TLN2: variants seen among roughly 807,000 people sequenced by gnomAD.
TLN2 encodes talin 2.
A neutral mutation model predicts 294.7 loss-of-function variants in TLN2; 118 were observed. The ratio of observed to expected loss-of-function variants is 0.40; its 90% CI spans 0.34 to 0.47. The LOEUF (loss-of-function observed/expected upper bound fraction) is 0.47. Ranked by LOEUF, TLN2 falls within the 20% of genes least tolerant of loss-of-function variation. TLN2 has a pLI of 0.84. For missense variants in TLN2, 3,083 were observed against 3,282.2 expected, an observed-to-expected ratio of 0.94 and a Z score of 1.48; for synonymous variants, 1,431 against 1,304.5, an observed-to-expected ratio of 1.10 and a Z score of -2.09.
chr15:62,829,143 A>AGTAG (rs1253437154), intron 54 of TLN2: 1 of 119,174 alleles, frequency 8.4e-6, no homozygotes, highest in African/African-American at 3.2e-5. Context: ...GAGGGTACAT[A>AGTAG]GTAGGTATAT....
intron 1 of TLN2, among the ~76,000 whole-genome samples, chr15:62,583,974 C>A (rs896167452): frequency 2.0e-5 from 3 of 152,066 alleles, no homozygotes; most frequent in Non-Finnish European, 4.4e-5. Flanking sequence ...TCTTGCCCTC[C>A]TAGTAAGCAT....
intron 46 of TLN2, 84 bp from the exon 47 acceptor site, chr15:62,796,043 G>C: frequency 6.6e-7 from 1 of 1,525,294 alleles, no homozygotes. Flanking sequence ...ACTCCTAGGA[G>C]AGAATTCATT....
At chr15:62,617,044 A>G (rs1478504560) in intron 2 of TLN2, among the ~76,000 whole-genome samples, 3 of 152,106 alleles carry the variant, frequency 2.0e-5, no homozygotes, top group Non-Finnish European at 2.9e-5. Context: ...CATGCAATGC[A>G]CATGTCTGTA....
chr15:62,814,304 A>G lies in TLN2; in HGVS notation c.6771+4272A>G, dbSNP rs557238291. 9.2e-5 allele frequency among the ~76,000 whole-genome samples: 14 copies of G among 152,378 alleles called. No individual in the cohort carries two copies. In the South Asian group the frequency reaches 2.7e-3, roughly 29 times the overall value. ...ATCATTTGGGCTTTATGGTTGATTC[A>G]TTAAGTCATTGTTTATTTTATTGAC... On this transcript the variant is annotated intron_variant, in intron 52 of 58. Coordinates refer to ENST00000636159, the MANE Select transcript of TLN2 (RefSeq NM_015059.3).
At chr15:62,713,417 G>A (rs142082430) in intron 22 of TLN2, among the ~76,000 whole-genome samples, 2 of 151,882 alleles carry the variant, frequency 1.3e-5, no homozygotes, top group African/African-American at 4.8e-5. Flanking sequence ...GGTGGCACAC[G>A]CCTGTAATCC....
chr15:62,742,717 G>A (rs190300707), intron 32 of TLN2, among the ~76,000 whole-genome samples: 22 of 152,310 alleles, frequency 1.4e-4, no homozygotes, highest in Admixed American at 1.3e-3. Flanking sequence ...AGCCAGGTAA[G>A]CACTTAAAAA....
At chr15:62,750,568 G>C in intron 34 of TLN2, 77 bp downstream of exon 34, 1 of 1,258,786 alleles carries the variant, frequency 7.9e-7, no homozygotes, top group Non-Finnish European at 1.2e-6. Flanking sequence ...TGCCTTCTGT[G>C]CATCTGCCTG....
rs1351147710 is a variant in TLN2, at chr15:62,838,985, T to A, written c.7500+4T>A. ...GTTTGTGGGGGGCATTGCTCAGGTT[T>A]GTAATTAAATCAAGAATAGTATTTA... is the stretch of plus-strand genomic sequence containing the variant. On this transcript the variant is annotated splice_donor_region_variant and intron_variant, in intron 58 of 58. Coordinates refer to ENST00000636159, the MANE Select transcript of TLN2 (RefSeq NM_015059.3). 2.5e-5 allele frequency: 40 copies of A among 1,613,828 alleles called. No individual in the cohort carries two copies. The highest frequency in any genetic ancestry group is 3.4e-5 in the Non-Finnish European group (40 of 1,179,916).
At chr15:62,692,106 T>G (rs980367129) in intron 12 of TLN2, among the ~76,000 whole-genome samples, 2 of 152,234 alleles carry the variant, frequency 1.3e-5, no homozygotes, top group African/African-American at 2.4e-5. Flanking sequence ...CTGAGCCCTT[T>G]CATTGCTATT....
chr15:62,680,969 C>T (rs115877183), intron 11 of TLN2, among the ~76,000 whole-genome samples: 2,119 of 152,246 alleles, frequency 0.014, 58 homozygotes, highest in African/African-American at 0.048. Context: ...TTTCTCTATC[C>T]ACTCATTAGT....
chr15:62,667,572 G>A (rs545122387), intron 9 of TLN2, among the ~76,000 whole-genome samples: 16 of 152,178 alleles, frequency 1.1e-4, no homozygotes, highest in East Asian at 9.7e-4. Flanking sequence ...TTTTCAATTC[G>A]TATGAGCGAT....
At chr15:62,401,068 G>A (rs973828977) in intron 1 of TLN2, among the ~76,000 whole-genome samples, 3 of 151,926 alleles carry the variant, frequency 2.0e-5, no homozygotes, top group Non-Finnish European at 2.9e-5. Flanking sequence ...TGCCTTCCTC[G>A]GCCTTCCAAA....
intron 45 of TLN2, chr15:62,784,661 TG>T (rs369470577): frequency 4.4e-4 from 67 of 152,360 alleles, no homozygotes; most frequent in African/African-American, 1.5e-3. Context: ...GTCCAGGGCT[TG>T]GGGGAACCAC....
At chr15:62,545,934 C>T (rs1244137777) in intron 1 of TLN2, among the ~76,000 whole-genome samples, 1 of 152,160 alleles carries the variant, frequency 6.6e-6, no homozygotes, top group Non-Finnish European at 1.5e-5. Flanking sequence ...GGCAATGTCT[C>T]AGCATTCCAG....
chr15:62,766,444 CTGCGAGGGTG>C (rs1340238207), intron 41 of TLN2, 22 bp downstream of exon 41: 37 of 1,588,146 alleles, frequency 2.3e-5, no homozygotes, highest in Non-Finnish European at 3.2e-5. Flanking sequence ...CGAGGGGATC[CTGCGAGGGTG>C]TGCGTGTTAT....
chr15:62,593,435 T>C (rs779119157), intron 2 of TLN2, among the ~76,000 whole-genome samples: 5 of 152,242 alleles, frequency 3.3e-5, no homozygotes, highest in Non-Finnish European at 7.3e-5. Flanking sequence ...ATAATTAAAC[T>C]TACTAAACCA....
chr15:62,763,729 C>T (rs1466155260), intron 40 of TLN2, 34 bp downstream of exon 40: 1 of 1,552,952 alleles, frequency 6.4e-7, no homozygotes, highest in Admixed American at 1.9e-5. Flanking sequence ...GCTTAGTCGC[C>T]TCTAGATATG....
chr15:62,566,645 A>G (rs1454898797), intron 1 of TLN2, among the ~76,000 whole-genome samples: 3 of 138,750 alleles, frequency 2.2e-5, no homozygotes, highest in East Asian at 2.2e-4. Context: ...TTTTTTTGAG[A>G]TAGGGCCTTG....
intron 1 of TLN2, among the ~76,000 whole-genome samples, chr15:62,433,991 C>T (rs570917803): frequency 4.6e-5 from 7 of 151,724 alleles, no homozygotes; most frequent in South Asian, 4.2e-4. Flanking sequence ...TCTGTCCCCC[C>T]GCCCCCGCCC....
Sources: allele counts gnomAD v4.1 joint callset (sites outside exome capture counted in the v4.1 genomes callset), GRCh38; gene constraint gnomAD v4.1.1; transcripts MANE v1.5; gene names NCBI Gene and HGNC (gene_info 2026-07-23, HGNC 2026-07-21).